ROBO2: variants seen among roughly 807,000 people sequenced by gnomAD.
ROBO2 encodes the protein roundabout guidance receptor 2.
In ROBO2, 53 loss-of-function variants were observed where a neutral mutation model predicts 160.8. The observed-to-expected ratio is 0.33, with a 90% confidence interval of 0.26 to 0.41. The LOEUF is 0.41. ROBO2 is among the 10% of genes least tolerant of loss of function. ROBO2 has a pLI of 1.00. For missense variants in ROBO2, 1,577 were observed against 1,722.4 expected, an observed-to-expected ratio of 0.92 and a Z score of 1.49; for synonymous variants, 664 against 611.7, an observed-to-expected ratio of 1.09 and a Z score of -1.26.
chr3:77,603,312 C>A (rs1340826833), intron 20 of ROBO2, among the ~76,000 whole-genome samples: 1 of 152,012 alleles, frequency 6.6e-6, no homozygotes, highest in African/African-American at 2.4e-5. Context: ...AAATACTATT[C>A]ATTAAAGAAC....
intron 2 of ROBO2, among the ~76,000 whole-genome samples, chr3:77,017,265 C>G (rs897673528): frequency 1.3e-5 from 2 of 152,094 alleles, no homozygotes; most frequent in African/African-American, 4.8e-5. Flanking sequence ...TGTGACCTTT[C>G]GTCTTTTAAA....
At chr3:76,332,628 C>T (rs2073576199) in intron 2 of ROBO2, among the ~76,000 whole-genome samples, 1 of 152,176 alleles carries the variant, frequency 6.6e-6, no homozygotes, top group Non-Finnish European at 1.5e-5. Context: ...GCTGTTTACA[C>T]ATTTCTGAAA....
At chr3:77,316,168 A>G (rs948726926) in intron 2 of ROBO2, among the ~76,000 whole-genome samples, 3 of 152,216 alleles carry the variant, frequency 2.0e-5, no homozygotes, top group African/African-American at 7.2e-5. Flanking sequence ...AACACAATAC[A>G]GGAAGGAATA....
At chr3:77,186,424 G>A (rs1268255460) in intron 2 of ROBO2, among the ~76,000 whole-genome samples, 1 of 151,938 alleles carries the variant, frequency 6.6e-6, no homozygotes, top group East Asian at 1.9e-4. Context: ...ATGGTTTACA[G>A]GATCAGCAAG....
At chr3:77,195,560 T>TA (rs2082236526) in intron 2 of ROBO2, among the ~76,000 whole-genome samples, 2 of 152,240 alleles carry the variant, frequency 1.3e-5, no homozygotes, top group Admixed American at 1.3e-4. Context: ...ATTGGACATT[T>TA]AAAGTTCCTG....
At chr3:76,829,037 T>A (rs548811951) in intron 2 of ROBO2, among the ~76,000 whole-genome samples, 1 of 152,214 alleles carries the variant, frequency 6.6e-6, no homozygotes, top group African/African-American at 2.4e-5. Context: ...TAAACTGCCC[T>A]TTACAGTTCA....
At chr3:77,327,747 A>T (rs911758191) in intron 2 of ROBO2, among the ~76,000 whole-genome samples, 2 of 152,098 alleles carry the variant, frequency 1.3e-5, no homozygotes, top group African/African-American at 4.8e-5. Context: ...TATCTGTATT[A>T]AAAAACATTG....
At chr3:77,206,944 C>T (rs1452404685) in intron 2 of ROBO2, among the ~76,000 whole-genome samples, 5 of 152,024 alleles carry the variant, frequency 3.3e-5, no homozygotes, top group African/African-American at 9.7e-5. Flanking sequence ...GGGACCAGCT[C>T]GTTAATGGTA....
At chr3:76,945,241 G>T (rs886611934) in intron 2 of ROBO2, among the ~76,000 whole-genome samples, 9 of 152,076 alleles carry the variant, frequency 5.9e-5, no homozygotes, top group Admixed American at 2.6e-4. Context: ...GAAATCAGAA[G>T]TATTTTGCGC....
chr3:75,939,358 G>A (rs1205950529), intron 2 of ROBO2, among the ~76,000 whole-genome samples: 5 of 151,954 alleles, frequency 3.3e-5, no homozygotes, highest in African/African-American at 4.8e-5. Context: ...AGAAAAATAG[G>A]TATCTTCTCT....
At chr3:76,223,426 C>A (rs1321897514) in intron 2 of ROBO2, among the ~76,000 whole-genome samples, 1 of 151,738 alleles carries the variant, frequency 6.6e-6, no homozygotes, top group African/African-American at 2.4e-5. Context: ...GGTGGGGAGG[C>A]TACTTTTCTT....
intron 2 of ROBO2, among the ~76,000 whole-genome samples, chr3:77,365,214 G>C (rs371254740): frequency 5.3e-5 from 8 of 151,780 alleles, no homozygotes; most frequent in African/African-American, 1.9e-4. Context: ...AAGTATGGAA[G>C]GTTCTACTGT....
intron 2 of ROBO2, among the ~76,000 whole-genome samples, chr3:76,657,679 CAT>C (rs1238490615): frequency 9.0e-6 from 1 of 110,864 alleles, no homozygotes; most frequent in African/African-American, 4.0e-5. Context: ...TATATATATA[CAT>C]ATATGTGTGT....
intron 16 of ROBO2, among the ~76,000 whole-genome samples, chr3:77,586,167 A>G (rs2094042841): frequency 6.6e-6 from 1 of 152,170 alleles, no homozygotes; most frequent in Non-Finnish European, 1.5e-5. Flanking sequence ...TTTACATCAT[A>G]GTGTCCATAA....
intron 2 of ROBO2, among the ~76,000 whole-genome samples, chr3:76,546,336 T>C (rs1177834332): frequency 2.0e-5 from 3 of 151,960 alleles, no homozygotes; most frequent in Non-Finnish European, 4.4e-5. Flanking sequence ...TGTTAACTAA[T>C]TATTTTTAGC....
intron 2 of ROBO2, among the ~76,000 whole-genome samples, chr3:76,794,667 C>T (rs576000618): frequency 6.6e-5 from 10 of 152,046 alleles, no homozygotes; most frequent in South Asian, 4.1e-4. Context: ...TTATTAAATA[C>T]AGGTAGCAAT....
At chr3:76,423,882 A>G (rs2076100007) in intron 2 of ROBO2, among the ~76,000 whole-genome samples, 1 of 152,108 alleles carries the variant, frequency 6.6e-6, no homozygotes, top group Non-Finnish European at 1.5e-5. Context: ...TAAAGGGTAA[A>G]TGGATATGGG....
chr3:77,169,160 G>A (rs1207416119), intron 2 of ROBO2, among the ~76,000 whole-genome samples: 2 of 152,166 alleles, frequency 1.3e-5, no homozygotes, highest in African/African-American at 4.8e-5. Flanking sequence ...ATATGTGTCC[G>A]TGTTCTTATT....
At chr3:76,254,790 G>T (rs145927174) in intron 2 of ROBO2, among the ~76,000 whole-genome samples, 3 of 151,828 alleles carry the variant, frequency 2.0e-5, no homozygotes, top group African/African-American at 7.3e-5. Context: ...AATAAGATCC[G>T]TGGACTGTTT....
Sources: allele counts gnomAD v4.1 joint callset (sites outside exome capture counted in the v4.1 genomes callset), GRCh38; gene constraint gnomAD v4.1.1; transcripts MANE v1.5; gene names NCBI Gene and HGNC (gene_info 2026-07-23, HGNC 2026-07-21).